NECTIN3: variants seen among roughly 807,000 people sequenced by gnomAD.
NECTIN3 encodes the protein nectin cell adhesion molecule 3, also known as nectin-3.
In NECTIN3, 8 loss-of-function variants were observed where a neutral mutation model predicts 49.4. That is an observed-to-expected ratio of 0.16 (90% CI 0.10 to 0.29). NECTIN3 has a LOEUF of 0.29. Among genes scored for constraint, NECTIN3 ranks in the 10% least tolerant of loss-of-function variants. NECTIN3 has a pLI of 1.00. For missense variants in NECTIN3, 581 were observed against 654.6 expected, an observed-to-expected ratio of 0.89 and a Z score of 1.23; for synonymous variants, 277 against 241.1, an observed-to-expected ratio of 1.15 and a Z score of -1.38.
At position 111,126,265 on chromosome 3, in the gene NECTIN3, T is replaced by C. The variant is rs752323409; in HGVS notation, c.999T>C (p.Ser333=). Reference sequence around the variant, plus strand: ...TCCATCCATTGACTTTCAATTATTCTGGTGTTTATATCTGTAAAGTGACCA... The same window carrying C: ...TCCATCCATTGACTTTCAATTATTCCGGTGTTTATATCTGTAAAGTGACCA... The part of the protein sequence containing the change: ...HFVHPLTFNY[S]GVYICKVTNS... Residue 333 remains serine, a synonymous_variant, in exon 5 of 6, where the codon TCT becomes TCC. Coordinates refer to ENST00000485303, the MANE Select transcript of NECTIN3 (RefSeq NM_015480.3). The C allele has an allele frequency of 3.1e-6, 5 of 1,610,978 alleles. No individual in the cohort carries two copies. In the African/African-American group the frequency reaches 6.7e-5, roughly 22 times the overall value.
chr3:111,116,438 C>T (rs183799743), intron 2 of NECTIN3, among the ~76,000 whole-genome samples: 26 of 152,192 alleles, frequency 1.7e-4, no homozygotes, highest in African/African-American at 6.3e-4. Flanking sequence ...CACATTAGGA[C>T]TTAATTCTTT....
Position 111,107,034 on chromosome 3 carries a change from G to A in NECTIN3, c.161-4996G>A, listed in dbSNP as rs189049789. On this transcript the variant is annotated intron_variant, in intron 1 of 5. Coordinates refer to ENST00000485303, the MANE Select transcript of NECTIN3 (RefSeq NM_015480.3). ...TTGGTTCATTTCTGAGAGTCAGGGA[G>A]GAAAGAAAGGGAATGGTTGCAATTT... 2.3e-3 allele frequency among the ~76,000 whole-genome samples: 347 copies of A among 152,196 alleles called. 4 individuals are homozygous for A. Among genetic ancestry groups the A allele is most frequent in the African/African-American group, 7.6e-3 (316 of 41,544 alleles).
chr3:111,106,689 A>G lies in NECTIN3; in HGVS notation c.161-5341A>G, dbSNP rs368792417. On this transcript the variant is annotated intron_variant, in intron 1 of 5. Coordinates refer to ENST00000485303, the MANE Select transcript of NECTIN3 (RefSeq NM_015480.3). The stretch of plus-strand genomic sequence containing the variant: ...TGATGAAATTTTTGAGGACAACTAT[A>G]TGCTATTACCTTGCTAGTTTGTTAA... Among the ~76,000 whole-genome samples the G allele has an allele frequency of 1.4e-4, 22 of 152,304 alleles. No homozygotes were observed. In the East Asian group the frequency reaches 3.9e-3, roughly 27 times the overall value.
chr3:111,183,755 A>G (rs2035670162), intron 7 of NECTIN3, among the ~76,000 whole-genome samples: 1 of 151,642 alleles, frequency 6.6e-6, no homozygotes, highest in Admixed American at 6.6e-5. Context: ...TGATTAAACT[A>G]TGTCTTGTTT....
chr3:111,118,534 T>G, intron 2 of NECTIN3, 122 bp from the exon 3 acceptor site: 1 of 869,244 alleles, frequency 1.2e-6, no homozygotes. Flanking sequence ...ACCTAAAAAG[T>G]GTGTGTAGAT....
intron 2 of NECTIN3, among the ~76,000 whole-genome samples, chr3:111,112,576 A>G (rs2033518702): frequency 2.6e-5 from 4 of 152,282 alleles, no homozygotes; most frequent in South Asian, 4.1e-4. Context: ...CTACTTATCT[A>G]TGTAATGCTA....
At chr3:111,174,743 C>T (rs902502632) in intron 7 of NECTIN3, among the ~76,000 whole-genome samples, 8 of 147,170 alleles carry the variant, frequency 5.4e-5, no homozygotes, top group Non-Finnish European at 7.5e-5. Flanking sequence ...GGGGGTGGGG[C>T]GAGCATGCAG....
intron 1 of NECTIN3, among the ~76,000 whole-genome samples, chr3:111,091,639 A>C (rs1004062974): frequency 6.6e-6 from 1 of 152,130 alleles, no homozygotes; most frequent in Non-Finnish European, 1.5e-5. Context: ...TCAGTATTTC[A>C]TTCTTTTTTA....
intron 1 of NECTIN3, among the ~76,000 whole-genome samples, chr3:111,096,653 C>T (rs2032601136): frequency 6.6e-6 from 1 of 152,170 alleles, no homozygotes; most frequent in African/African-American, 2.4e-5. Flanking sequence ...ACTTAGTATA[C>T]TGCGTCCCAG....
At chr3:111,139,189 CATT>C (rs970232541), downstream of NECTIN3, among the ~76,000 whole-genome samples, 4 of 151,722 alleles carry the variant, frequency 2.6e-5, no homozygotes, top group East Asian at 1.9e-4. Context: ...ACCACAGTAT[CATT>C]ATTACACCAA....
chr3:111,181,611 T>C (rs1447507320), intron 7 of NECTIN3, among the ~76,000 whole-genome samples: 1 of 152,094 alleles, frequency 6.6e-6, no homozygotes, highest in Non-Finnish European at 1.5e-5. Flanking sequence ...TGTGGAAGGA[T>C]TTTAATTGTG....
chr3:111,098,828 C>CT (rs1487809347), intron 1 of NECTIN3, among the ~76,000 whole-genome samples: 2 of 151,776 alleles, frequency 1.3e-5, no homozygotes, highest in African/African-American at 2.4e-5. Context: ...CCTGACTACA[C>CT]TTTAAGTTTC....
chr3:111,135,135 A>G lies in NECTIN3; in HGVS notation c.*920A>G, dbSNP rs1403854611. On this transcript the variant is annotated 3_prime_UTR_variant, in exon 6 of 6. Coordinates refer to ENST00000485303, the MANE Select transcript of NECTIN3 (RefSeq NM_015480.3). Reference sequence around the variant, plus strand: ...TTAGAAATGAGACTTTCAGCCAACAATCTATAGAAAGAATTTTATGGACCA... The same window carrying G: ...TTAGAAATGAGACTTTCAGCCAACAGTCTATAGAAAGAATTTTATGGACCA... The G allele has an allele frequency of 2.0e-6, 2 of 981,598 alleles. No homozygotes were observed. The highest frequency in any genetic ancestry group is 2.4e-6 in the Non-Finnish European group (2 of 826,534). The allele number at this position is 981,598 out of a possible 1,614,324, so 60.8% of individuals were successfully genotyped here. A position where few individuals can be genotyped will look rare whatever the true frequency, so the allele number is the denominator to read the frequency against.
At position 111,118,505 on chromosome 3, in the gene NECTIN3, T is replaced by C. The variant is rs1184909905; in HGVS notation, c.503-151T>C. ...TTATGATCTTTTGTTTTTCCAAGAA[T>C]GTAATTGACGATGGCATTACCTAAA... On this transcript the variant is annotated intron_variant, in intron 2 of 5. Transcript: ENST00000485303. 4 of 660,284 alleles carry C rather than the reference T, an allele frequency of 6.1e-6. No homozygotes were observed. The African/African-American group carries it at 7.3e-5, about 12-fold the overall frequency. The allele number at this position is 660,284 out of a possible 1,614,324, so 40.9% of individuals were successfully genotyped here. A position where few individuals can be genotyped will look rare whatever the true frequency, so the allele number is the denominator to read the frequency against.
intron 6 of NECTIN3, chr3:111,145,166 T>C: frequency 9.3e-7 from 1 of 1,076,290 alleles, no homozygotes. Flanking sequence ...CTTTGTTAGA[T>C]GACCGTGGTT....
downstream of NECTIN3, among the ~76,000 whole-genome samples, chr3:111,138,800 T>A (rs1429043825): frequency 6.6e-6 from 1 of 151,642 alleles, no homozygotes; most frequent in Non-Finnish European, 1.5e-5. Flanking sequence ...ATTAATAGTT[T>A]TAGAGCCTCA....
intron 2 of NECTIN3, among the ~76,000 whole-genome samples, chr3:111,115,513 A>T (rs1460000266): frequency 6.6e-6 from 1 of 152,194 alleles, no homozygotes; most frequent in Admixed American, 6.6e-5. Flanking sequence ...AGAATTTCAG[A>T]TCCCTCTTAG....
intron 7 of NECTIN3, among the ~76,000 whole-genome samples, chr3:111,178,756 G>GTT (rs2035577182): frequency 6.6e-6 from 1 of 152,168 alleles, no homozygotes; most frequent in Non-Finnish European, 1.5e-5. Flanking sequence ...TCTGCAAGCA[G>GTT]TTTAAGAGAC....
intron 7 of NECTIN3, among the ~76,000 whole-genome samples, chr3:111,149,238 A>G (rs1027817165): frequency 1.3e-5 from 2 of 151,930 alleles, no homozygotes. Context: ...TTCAATTACT[A>G]TTGCTTTATA....
Sources: allele counts gnomAD v4.1 joint callset (sites outside exome capture counted in the v4.1 genomes callset), GRCh38; gene constraint gnomAD v4.1.1; transcripts MANE v1.5; gene names NCBI Gene and HGNC (gene_info 2026-07-23, HGNC 2026-07-21).